Variants in CEP63 observed in about 807,000 individuals in gnomAD.
CEP63 encodes centrosomal protein 63.
CEP63 carries 84 observed loss-of-function variants against 89.1 expected under a neutral mutation model. The ratio of observed to expected loss-of-function variants is 0.94; its 90% CI spans 0.79 to 1.13. CEP63 has a LOEUF of 1.13. CEP63 is among the 50% of genes most tolerant of loss of function. The pLI is 0.00. For synonymous variants in CEP63, 267 were observed against 272.5 expected, an observed-to-expected ratio of 0.98 and a Z score of 0.20; for missense variants, 838 against 813.3, an observed-to-expected ratio of 1.03 and a Z score of -0.37.
chr3:134,620,907 T>A, the CEP63 span: 7 of 1,147,216 alleles, frequency 6.1e-6, no homozygotes, highest in African/African-American at 9.1e-5. Context: ...GAGGGGCTGT[T>A]GGGGGCCCAG....
At chr3:134,651,306 G>T in the CEP63 span, 1 of 1,183,006 alleles carries the variant, frequency 8.5e-7, no homozygotes, top group South Asian at 1.6e-5. Flanking sequence ...CACTTGAAGC[G>T]CTGGTCCTGG....
chr3:134,640,563 C>T, the CEP63 span, among the ~76,000 whole-genome samples: 6 of 152,028 alleles, frequency 3.9e-5, no homozygotes, highest in South Asian at 6.2e-4. Flanking sequence ...CTCTGGGGGC[C>T]GGTGTGGTTC....
chr3:134,736,813 A>G, the CEP63 span, among the ~76,000 whole-genome samples: 3 of 152,326 alleles, frequency 2.0e-5, no homozygotes, highest in East Asian at 1.9e-4. Context: ...ATGGAAGAAC[A>G]TTCATCCCAG....
intron 8 of CEP63, 122 bp downstream of exon 8, chr3:134,546,410 G>T: frequency 2.3e-6 from 2 of 876,704 alleles, no homozygotes; most frequent in East Asian, 2.9e-5. Flanking sequence ...CCAGACTGGA[G>T]TGCAGTGGTG....
intron 3 of CEP63, among the ~76,000 whole-genome samples, chr3:134,517,272 CG>C: frequency 6.6e-6 from 1 of 152,172 alleles, no homozygotes; most frequent in Middle Eastern, 3.4e-3. Context: ...AAAATGTCTG[CG>C]TATCTAATGT....
chr3:134,651,858 C>G, the CEP63 span, among the ~76,000 whole-genome samples: 1 of 152,184 alleles, frequency 6.6e-6, no homozygotes, highest in African/African-American at 2.4e-5. Flanking sequence ...AGGGGTTTGG[C>G]TGTAGGTCTC....
chr3:134,586,224 A>T (rs540779889), intron 10 of CEP63, among the ~76,000 whole-genome samples: 2 of 152,122 alleles, frequency 1.3e-5, no homozygotes, highest in South Asian at 4.1e-4. Flanking sequence ...TGTGAATTTG[A>T]TCTTGTCATT....
downstream of CEP63, among the ~76,000 whole-genome samples, chr3:134,566,698 G>A (rs1957772173): frequency 6.6e-6 from 1 of 152,072 alleles, no homozygotes; most frequent in Admixed American, 6.6e-5. Context: ...AACATCATTA[G>A]TCATCAGAGA....
chr3:134,557,381 T>TTTTTTTTG (rs1956417197), intron 12 of CEP63, among the ~76,000 whole-genome samples: 1 of 48,570 alleles, frequency 2.1e-5, no homozygotes, highest in Non-Finnish European at 6.2e-5. Context: ...AATTTGTTTT[T>TTTTTTTTG]TTTTTTTTTT....
At chr3:134,596,090 G>C in the CEP63 span, among the ~76,000 whole-genome samples, 1 of 152,064 alleles carries the variant, frequency 6.6e-6, no homozygotes, top group African/African-American at 2.4e-5. Context: ...GGGATCAGCA[G>C]GTGCCCTCAG....
At chr3:134,622,862 G>T in the CEP63 span, among the ~76,000 whole-genome samples, 3 of 152,098 alleles carry the variant, frequency 2.0e-5, no homozygotes, top group Admixed American at 6.5e-5. Flanking sequence ...GGGTACTCCA[G>T]GACCTTGTTT....
the CEP63 span, among the ~76,000 whole-genome samples, chr3:134,758,550 A>G: frequency 6.6e-6 from 1 of 152,170 alleles, no homozygotes; most frequent in Non-Finnish European, 1.5e-5. Flanking sequence ...TGAGAAACCT[A>G]AGTAAGGCCT....
intron 11 of CEP63, among the ~76,000 whole-genome samples, chr3:134,572,491 G>A (rs1958053143): frequency 6.6e-6 from 1 of 152,152 alleles, no homozygotes. Context: ...TCACTTGTAA[G>A]AGAGAACATA....
At chr3:134,721,772 T>C in the CEP63 span, among the ~76,000 whole-genome samples, 3 of 152,296 alleles carry the variant, frequency 2.0e-5, no homozygotes, top group East Asian at 5.8e-4. Context: ...ATGTCATATA[T>C]TAGTTGATTT....
chr3:134,510,721 G>A, intron 3 of CEP63: 1 of 508,166 alleles, frequency 2.0e-6, no homozygotes. Flanking sequence ...ATCTGTATCT[G>A]CAGGGAGACT....
chr3:134,573,189 T>G (rs1056540219), intron 11 of CEP63, among the ~76,000 whole-genome samples: 10 of 152,156 alleles, frequency 6.6e-5, no homozygotes, highest in Non-Finnish European at 1.5e-4. Flanking sequence ...AGTTTGAGGA[T>G]ATGTTCTCCC....
the CEP63 span, among the ~76,000 whole-genome samples, chr3:134,745,997 A>G: frequency 6.1e-4 from 91 of 149,438 alleles, no homozygotes; most frequent in African/African-American, 2.0e-3. Flanking sequence ...TACATGTGCC[A>G]TGTTGGTTTT....
At chr3:134,655,588 C>T in the CEP63 span, among the ~76,000 whole-genome samples, 1 of 152,188 alleles carries the variant, frequency 6.6e-6, no homozygotes, top group Non-Finnish European at 1.5e-5. Context: ...GGACACCCAA[C>T]CCTTGACACC....
chr3:134,577,792 G>T (rs562413566), downstream of CEP63, among the ~76,000 whole-genome samples: 1 of 151,908 alleles, frequency 6.6e-6, no homozygotes, highest in South Asian at 2.1e-4. Context: ...CCCGCGACAG[G>T]CCTCAGTGTG....
Sources: allele counts gnomAD v4.1 joint callset (sites outside exome capture counted in the v4.1 genomes callset), GRCh38; gene constraint gnomAD v4.1.1; transcripts MANE v1.5; gene names NCBI Gene and HGNC (gene_info 2026-07-23, HGNC 2026-07-21).